DENND2B: variants seen among roughly 807,000 people sequenced by gnomAD.
The protein encoded by DENND2B is DENN domain-containing protein 2B.
In DENND2B, 32 loss-of-function variants were observed where a neutral mutation model predicts 116.0. That is an observed-to-expected ratio of 0.28 (90% CI 0.21 to 0.37). DENND2B has a LOEUF of 0.37. DENND2B is among the 10% of genes least tolerant of loss of function. The pLI, the probability that DENND2B is intolerant of heterozygous loss-of-function variation, is 1.00. For missense variants in DENND2B, 1,276 were observed against 1,477.7 expected, an observed-to-expected ratio of 0.86 and a Z score of 2.24; for synonymous variants, 588 against 583.9, an observed-to-expected ratio of 1.01 and a Z score of -0.10.
intron 3 of DENND2B, among the ~76,000 whole-genome samples, chr11:8,843,251 G>T (rs549728861): frequency 6.6e-6 from 1 of 151,956 alleles, no homozygotes; most frequent in South Asian, 2.1e-4. Context: ...CAGGTGATTC[G>T]CCCACCTCGG....
chr11:8,696,398 A>C (rs775489030), intron 18 of DENND2B, 29 bp downstream of exon 18: 3 of 1,610,120 alleles, frequency 1.9e-6, no homozygotes, highest in Non-Finnish European at 1.7e-6. Context: ...TGAAAAAATT[A>C]GAGAAGAGAG....
At chr11:8,824,524 C>T (rs1269276675) in intron 4 of DENND2B, among the ~76,000 whole-genome samples, 3 of 152,122 alleles carry the variant, frequency 2.0e-5, no homozygotes, top group Non-Finnish European at 4.4e-5. Context: ...CTGCAAAGGA[C>T]ATGATTTCAT....
chr11:8,765,808 C>G (rs1416107272), intron 1 of DENND2B, among the ~76,000 whole-genome samples: 1 of 152,000 alleles, frequency 6.6e-6, no homozygotes, highest in African/African-American at 2.4e-5. Flanking sequence ...GAGGCCAAGG[C>G]GGGTAGATTA....
chr11:8,836,338 T>C (rs1245141331), intron 4 of DENND2B, among the ~76,000 whole-genome samples: 2 of 151,408 alleles, frequency 1.3e-5, no homozygotes, highest in Admixed American at 6.6e-5. Context: ...CCTCCCAGGG[T>C]TGGGCACAGC....
Position 8,702,073 on chromosome 11 carries a change from A to G in DENND2B, c.2720+499T>C, listed in dbSNP as rs2041803424. 6.6e-6 allele frequency among the ~76,000 whole-genome samples: 1 copy of G among 151,892 alleles called. No homozygotes were observed. The highest frequency in any genetic ancestry group is 2.1e-4 in the South Asian group (1 of 4,810). On this transcript the variant is annotated intron_variant, in intron 14 of 19. Transcript: ENST00000313726. This position sits in a 1 kb window ranked among gnomAD's most constrained non-coding sequence, Gnocchi z 4.6. ...CCATTGCCCAGCCCTGGGCCACTGC[A>G]GTTGCCTTCTCCAGGGGACACCCTC...
chr11:8,708,824 G>A (rs537782037), intron 11 of DENND2B, among the ~76,000 whole-genome samples: 2 of 152,212 alleles, frequency 1.3e-5, no homozygotes, highest in South Asian at 2.1e-4. Context: ...AGTGGCATGC[G>A]CCTGTAATCC....
At chr11:8,874,190 G>A (rs2063820063), upstream of DENND2B, among the ~76,000 whole-genome samples, 1 of 152,148 alleles carries the variant, frequency 6.6e-6, no homozygotes, top group Admixed American at 6.5e-5. Context: ...ACGGTCTTCT[G>A]TCAGTCTAAT....
intron 19 of DENND2B, among the ~76,000 whole-genome samples, chr11:8,695,104 A>G (rs982508419): frequency 6.6e-6 from 1 of 152,094 alleles, no homozygotes; most frequent in Non-Finnish European, 1.5e-5. Context: ...AACAAAATTT[A>G]TATTATATTA....
chr11:8,772,059 G>A (rs907941155), intron 1 of DENND2B: 3 of 151,862 alleles, frequency 2.0e-5, no homozygotes, highest in African/African-American at 7.3e-5. Flanking sequence ...TGAGTTCAGA[G>A]AGCTCCCGGG....
chr11:8,708,505 C>A (rs1174851599), intron 11 of DENND2B, among the ~76,000 whole-genome samples: 2 of 152,164 alleles, frequency 1.3e-5, no homozygotes, highest in African/African-American at 4.8e-5. Flanking sequence ...CTAAGGCCAC[C>A]TATCTAGAAG....
In DENND2B at chr11:8,761,084, C is replaced by T. The variant is rs543269230; in HGVS notation, c.-25-10359G>A. Among the ~76,000 whole-genome samples the T allele has an allele frequency of 3.9e-5, 6 of 152,336 alleles. No homozygotes were observed. In the East Asian group the frequency reaches 1.2e-3, roughly 29 times the overall value. ...CTCAACCATTTTTCAATCCCTTTTCCTGCCAGATGGTCCTTCTCCACTTCA... is the reference window on the plus strand; with the variant it reads ...CTCAACCATTTTTCAATCCCTTTTCTTGCCAGATGGTCCTTCTCCACTTCA... On this transcript the variant is annotated intron_variant, in intron 1 of 19. Coordinates refer to ENST00000313726, the MANE Select transcript of DENND2B (RefSeq NM_213618.2).
intron 2 of DENND2B, among the ~76,000 whole-genome samples, chr11:8,863,524 C>T (rs1302912877): frequency 1.3e-5 from 2 of 152,018 alleles, no homozygotes; most frequent in African/African-American, 2.4e-5. Flanking sequence ...TCAGCCACTG[C>T]GCCCGGCCTG....
At chr11:8,819,411 G>GT (rs2061685049) in intron 4 of DENND2B, among the ~76,000 whole-genome samples, 1 of 151,854 alleles carries the variant, frequency 6.6e-6, no homozygotes, top group Non-Finnish European at 1.5e-5. Context: ...AAAAAAAAAA[G>GT]TTTAAGATAA....
intron 14 of DENND2B, among the ~76,000 whole-genome samples, chr11:8,701,949 T>C (rs1410665427): frequency 6.6e-6 from 1 of 152,148 alleles, no homozygotes; most frequent in Admixed American, 6.5e-5. Context: ...CTCCAGGCCC[T>C]GCACATCATC....
chr11:8,718,427 C>A, intron 4 of DENND2B: 1 of 1,524,482 alleles, frequency 6.6e-7, no homozygotes, highest in Non-Finnish European at 8.8e-7. Context: ...CCCCTTCTCA[C>A]CTACGATGCC....
intron 1 of DENND2B, among the ~76,000 whole-genome samples, chr11:8,896,601 T>C (rs961472028): frequency 5.3e-5 from 8 of 152,226 alleles, no homozygotes; most frequent in Non-Finnish European, 5.9e-5. Flanking sequence ...AACTTTATGA[T>C]GGTGCAAAAG....
chr11:8,779,034 G>C (rs949896747), intron 1 of DENND2B, among the ~76,000 whole-genome samples: 2 of 152,216 alleles, frequency 1.3e-5, no homozygotes, highest in East Asian at 3.8e-4. Context: ...TTTTAGCTGA[G>C]AGAACAAAAC....
chr11:8,711,699 C>A (rs921727225), intron 9 of DENND2B, among the ~76,000 whole-genome samples: 1 of 152,040 alleles, frequency 6.6e-6, no homozygotes, highest in Non-Finnish European at 1.5e-5. Context: ...GAAACCCCAT[C>A]GCTACTAAAA....
chr11:8,765,974 G>A (rs1185754558), intron 1 of DENND2B, among the ~76,000 whole-genome samples: 1 of 152,000 alleles, frequency 6.6e-6, no homozygotes, highest in East Asian at 1.9e-4. Flanking sequence ...GGGAGGCGGA[G>A]GATACAGTGA....
Sources: allele counts gnomAD v4.1 joint callset (sites outside exome capture counted in the v4.1 genomes callset), GRCh38; gene constraint gnomAD v4.1.1; non-coding constraint Gnocchi (gnomAD v3.1); transcripts MANE v1.5; gene names NCBI Gene and HGNC (gene_info 2026-07-23, HGNC 2026-07-21).